The following TCP11L2 variants were observed in gnomAD, a reference collection of about 807,000 sequenced individuals.
TCP11L2 encodes T-complex protein 11-like protein 2.
A neutral mutation model predicts 50.7 loss-of-function variants in TCP11L2; 39 were observed. The ratio of observed to expected loss-of-function variants is 0.77; its 90% confidence interval spans 0.60 to 1.01. The LOEUF (loss-of-function observed/expected upper bound fraction) is 1.01, where lower values mean the gene tolerates loss of function less well. TCP11L2 is among the 50% of genes least tolerant of loss of function. TCP11L2 has a pLI of 0.00. For missense variants in TCP11L2, 612 were observed against 614.7 expected, an observed-to-expected ratio of 1.00 and a Z score of 0.05; for synonymous variants, 192 against 219.3, an observed-to-expected ratio of 0.88 and a Z score of 1.10.
intron 6 of TCP11L2, among the ~76,000 whole-genome samples, chr12:106,334,652 ATAT>A (rs1379954638): frequency 2.0e-5 from 3 of 152,198 alleles, no homozygotes; most frequent in Non-Finnish European, 4.4e-5. Flanking sequence ...GTTGAAAATA[ATAT>A]TATTCAGCCG....
chr12:106,338,265 C>G (rs114770863), intron 8 of TCP11L2, among the ~76,000 whole-genome samples: 1,906 of 152,280 alleles, frequency 0.013, 39 homozygotes, highest in African/African-American at 0.044. Flanking sequence ...CCAGTGATTT[C>G]ATCACCCAGG....
At chr12:106,336,270 C>T in intron 8 of TCP11L2, 57 bp downstream of exon 8, 1 of 1,486,798 alleles carries the variant, frequency 6.7e-7, no homozygotes. Context: ...GCATGTGTCT[C>T]AGAGAACAAG....
intron 6 of TCP11L2, chr12:106,329,240 T>C: frequency 6.8e-7 from 1 of 1,465,584 alleles, no homozygotes; most frequent in Non-Finnish European, 9.2e-7. Context: ...AAATCCCCAG[T>C]ACTTGGTACA....
chr12:106,302,286 G>C (rs1565831738), upstream of TCP11L2, among the ~76,000 whole-genome samples: 1 of 150,500 alleles, frequency 6.6e-6, no homozygotes, highest in Non-Finnish European at 1.5e-5. Flanking sequence ...CCGCGGCTTC[G>C]CCCACCTCCC....
upstream of TCP11L2, among the ~76,000 whole-genome samples, chr12:106,300,246 C>G (rs768850028): frequency 6.6e-6 from 1 of 152,008 alleles, no homozygotes; most frequent in Non-Finnish European, 1.5e-5. Flanking sequence ...TGTCTGAGCC[C>G]TCTGAGCAAC....
chr12:106,341,982 G>T (rs1459334349), intron 9 of TCP11L2, among the ~76,000 whole-genome samples: 2 of 152,176 alleles, frequency 1.3e-5, no homozygotes, highest in South Asian at 4.1e-4. Flanking sequence ...AACACCTGAT[G>T]AGAGTAGGGA....
intron 2 of TCP11L2, among the ~76,000 whole-genome samples, chr12:106,313,789 C>T (rs367998589): frequency 8.5e-6 from 1 of 117,310 alleles, no homozygotes; most frequent in African/African-American, 3.3e-5. Context: ...TTTTTTGAGA[C>T]GAGTCTCACC....
intron 8 of TCP11L2, among the ~76,000 whole-genome samples, chr12:106,340,171 C>T (rs2036049403): frequency 6.6e-6 from 1 of 152,158 alleles, no homozygotes; most frequent in Non-Finnish European, 1.5e-5. Flanking sequence ...TCATCTTTCC[C>T]TAATAGTGTG....
chr12:106,343,403 CAGAG>C (rs1242376560), intron 9 of TCP11L2, among the ~76,000 whole-genome samples: 1 of 152,144 alleles, frequency 6.6e-6, no homozygotes, highest in Non-Finnish European at 1.5e-5. Context: ...ATAAATTAAA[CAGAG>C]AGATTCCTGG....
chr12:106,324,608 G>A (rs1353163060), intron 6 of TCP11L2: 4 of 152,204 alleles, frequency 2.6e-5, no homozygotes, highest in African/African-American at 7.2e-5. Context: ...GGAAACAGAG[G>A]TACCAATTAG....
chr12:106,312,091 CATATGTGTGT>C (rs1466925681), intron 2 of TCP11L2, among the ~76,000 whole-genome samples: 6 of 152,176 alleles, frequency 3.9e-5, no homozygotes, highest in Middle Eastern at 3.2e-3. Context: ...TTCACATAGA[CATATGTGTGT>C]ATATGTGTGT....
At position 106,346,454 on chromosome 12, in the gene TCP11L2, A is replaced by G; in HGVS notation, c.1484A>G (p.Tyr495Cys). 1 of 1,614,210 alleles carries G rather than the reference A, an allele frequency of 6.2e-7. No homozygotes were observed. The highest frequency in any genetic ancestry group is 8.5e-7 in the Non-Finnish European group (1 of 1,180,032). ...NLNKQVYGPF[Y>C]ANILRKLLFN... is the part of the protein sequence containing the mutation. ...AACAAACAAGTGTATGGACCATTTT[A>G]TGCAAATATACTTCGAAAGCTGCTC... The change falls in exon 10 of 10, where the codon TAT (tyrosine) becomes TGT (cysteine). Residue 495 changes from tyrosine to cysteine, a missense_variant. Physicochemically the swap from Tyr to Cys is radical, Grantham distance 194. Transcript: ENST00000299045.
intron 1 of TCP11L2, among the ~76,000 whole-genome samples, chr12:106,309,964 C>G (rs371525965): frequency 6.6e-6 from 1 of 152,112 alleles, no homozygotes; most frequent in African/African-American, 2.4e-5. Flanking sequence ...TGAACTCTTC[C>G]TCTCATTATT....
At chr12:106,308,746 C>T (rs1440036164) in intron 1 of TCP11L2, among the ~76,000 whole-genome samples, 1 of 152,184 alleles carries the variant, frequency 6.6e-6, no homozygotes, top group East Asian at 1.9e-4. Flanking sequence ...AGTAGATTCT[C>T]TGCTCTAAGG....
intron 6 of TCP11L2, among the ~76,000 whole-genome samples, chr12:106,332,947 G>A (rs767463719): frequency 1.3e-5 from 2 of 152,200 alleles, no homozygotes. Context: ...AAGTGACATA[G>A]TTTTGGTGAT....
rs910715415 is a variant in TCP11L2 at position 106,335,792 on chromosome 12, T to C, written c.926T>C (p.Leu309Ser). 1.2e-6 allele frequency: 2 copies of C among 1,614,134 alleles called. No individual in the cohort carries two copies. The highest frequency in any genetic ancestry group is 1.7e-5 in the Admixed American group (1 of 60,008). ...CTAAATAATAGTTACTTGAAACTGT[T>C]ACAGTGGGATTATCAGAAAAAAGAA... Reference protein sequence around the residue: ...LVLNNSYLKLLQWDYQKKELP... With the variant: ...LVLNNSYLKLSQWDYQKKELP... The change falls in exon 7 of 10, where the codon TTA becomes TCA. Residue 309 changes from leucine to serine, a missense_variant. Transcript: ENST00000299045.
At position 106,311,038 on chromosome 12, in the gene TCP11L2, C is replaced by A; in HGVS notation, c.-35-3C>A. 1 of 1,607,488 alleles carries A rather than the reference C, an allele frequency of 6.2e-7. No homozygotes were observed. On this transcript the variant is annotated splice_polypyrimidine_tract_variant and splice_region_variant and intron_variant, in intron 1 of 9. Transcript: ENST00000299045. Reference sequence around the variant, plus strand: ...TTGACGCAGGGTCTGTTTGTCTGTGCAGGTGCTACCTTTTTACCCACACTT... The same window carrying A: ...TTGACGCAGGGTCTGTTTGTCTGTGAAGGTGCTACCTTTTTACCCACACTT...
At chr12:106,304,306 C>T (rs1381037591) in intron 1 of TCP11L2, 2 of 152,322 alleles carry the variant, frequency 1.3e-5, no homozygotes, top group African/African-American at 2.4e-5. Flanking sequence ...ATCCTTCTCC[C>T]TGATGCTGTA....
intron 6 of TCP11L2, chr12:106,325,188 G>T (rs1056264623): frequency 7.9e-5 from 12 of 152,206 alleles, no homozygotes; most frequent in African/African-American, 2.9e-4. Context: ...ACTGGCCTAT[G>T]TAACACACTT....
Sources: allele counts gnomAD v4.1 joint callset (sites outside exome capture counted in the v4.1 genomes callset), GRCh38; gene constraint gnomAD v4.1.1; transcripts MANE v1.5; gene names NCBI Gene and HGNC (gene_info 2026-07-23, HGNC 2026-07-21).